The following C12orf42 variants were observed in gnomAD, a reference collection of about 807,000 sequenced individuals.
C12orf42 encodes chromosome 12 open reading frame 42.
A neutral mutation model predicts 21.6 loss-of-function variants in C12orf42; 25 were observed. That is an observed-to-expected ratio of 1.16 (90% CI 0.84 to 1.62). The LOEUF (loss-of-function observed/expected upper bound fraction) is 1.62. Ranked by LOEUF, C12orf42 falls within the 40% of genes most tolerant of loss-of-function variation. The pLI is 0.00. For synonymous variants in C12orf42, 174 were observed against 175.0 expected (o/e 0.99, Z 0.05); for missense variants, 483 against 459.3 (o/e 1.05, Z -0.47).
chr12:103,281,915 A>AAAGAAAGAAAG (rs2036148047), intron 4 of C12orf42, among the ~76,000 whole-genome samples: 1 of 141,828 alleles, frequency 7.1e-6, no homozygotes, highest in Admixed American at 7.3e-5. Flanking sequence ...AGAAGAAAGA[A>AAAGAAAGAAAG]AAAGAAAGAA....
chr12:103,254,753 G>C (rs577597612), intron 10 of C12orf42, among the ~76,000 whole-genome samples: 1 of 152,282 alleles, frequency 6.6e-6, no homozygotes, highest in Admixed American at 6.5e-5. Context: ...ACAAACTGGG[G>C]CCTGCTGGGG....
At chr12:103,214,297 T>C in the C12orf42 span, among the ~76,000 whole-genome samples, 1 of 152,200 alleles carries the variant, frequency 6.6e-6, no homozygotes, top group South Asian at 2.1e-4. Flanking sequence ...TAGTTTCTCC[T>C]TTTCTTTTTG....
intron 1 of C12orf42, 56 bp from the exon 2 acceptor site, chr12:103,478,503 T>A (rs12306102): frequency 0.19 from 154,315 of 802,200 alleles, 17,106 homozygotes; most frequent in East Asian, 0.35. Context: ...AATGATAATA[T>A]TAGAGAAAAA....
At chr12:103,109,228 T>G in the C12orf42 span, among the ~76,000 whole-genome samples, 1 of 152,172 alleles carries the variant, frequency 6.6e-6, no homozygotes, top group Non-Finnish European at 1.5e-5. Context: ...TGGATGATAT[T>G]GGCATACTAG....
At chr12:103,181,810 AC>A in the C12orf42 span, among the ~76,000 whole-genome samples, 1 of 152,250 alleles carries the variant, frequency 6.6e-6, no homozygotes, top group Admixed American at 6.5e-5. Context: ...TCTATAATCT[AC>A]ACCTCTACCC....
intron 4 of C12orf42, among the ~76,000 whole-genome samples, chr12:103,316,055 T>C (rs185755712): frequency 0.01 from 1,517 of 149,422 alleles, 16 homozygotes; most frequent in African/African-American, 0.035. Context: ...TATATATATA[T>C]ACACACACAC....
At chr12:103,374,384 G>A (rs1593680272) in intron 3 of C12orf42, among the ~76,000 whole-genome samples, 1 of 152,120 alleles carries the variant, frequency 6.6e-6, no homozygotes, top group East Asian at 1.9e-4. Flanking sequence ...AGATTTCCAA[G>A]ATTGAGGTTT....
chr12:103,194,009 G>A, the C12orf42 span, among the ~76,000 whole-genome samples: 3 of 152,042 alleles, frequency 2.0e-5, no homozygotes, highest in African/African-American at 4.8e-5. Context: ...TGAAATGCAA[G>A]CATGGCTTAA....
chr12:103,138,673 T>C, the C12orf42 span, among the ~76,000 whole-genome samples: 326 of 152,296 alleles, frequency 2.1e-3, 1 homozygote, highest in African/African-American at 7.6e-3. Flanking sequence ...ATCAATGTCA[T>C]CATTCTTGTT....
chr12:103,341,112 C>CAAAAAAAA (rs34154888), intron 4 of C12orf42, among the ~76,000 whole-genome samples: 3 of 47,678 alleles, frequency 6.3e-5, no homozygotes, highest in African/African-American at 1.6e-4. Context: ...GACTCTGTCT[C>CAAAAAAAA]AAAAAAAAAA....
At chr12:103,097,434 G>A in the C12orf42 span, among the ~76,000 whole-genome samples, 1 of 152,156 alleles carries the variant, frequency 6.6e-6, no homozygotes, top group Non-Finnish European at 1.5e-5. Flanking sequence ...TTCATCCTAG[G>A]CAACAGAAAT....
the C12orf42 span, among the ~76,000 whole-genome samples, chr12:103,071,751 G>A: frequency 2.0e-5 from 3 of 152,156 alleles, no homozygotes; most frequent in Non-Finnish European, 4.4e-5. Flanking sequence ...AAGTGGAACT[G>A]TGAGTCAATT....
chr12:103,328,407 T>A (rs2040904525), intron 4 of C12orf42, among the ~76,000 whole-genome samples: 1 of 152,124 alleles, frequency 6.6e-6, no homozygotes, highest in South Asian at 2.1e-4. Context: ...GAAATATTAG[T>A]TGCTGAGCAG....
the C12orf42 span, among the ~76,000 whole-genome samples, chr12:103,085,407 C>G: frequency 2.6e-5 from 4 of 152,124 alleles, no homozygotes; most frequent in African/African-American, 9.7e-5. Context: ...CAAATATGAG[C>G]TCATTCAAAT....
At chr12:103,556,301 C>T in the C12orf42 span, among the ~76,000 whole-genome samples, 4 of 152,136 alleles carry the variant, frequency 2.6e-5, no homozygotes, top group Non-Finnish European at 4.4e-5. Flanking sequence ...AAAGATGATA[C>T]CTAATATTAT....
chr12:103,517,677 T>C, the C12orf42 span, among the ~76,000 whole-genome samples: 1 of 150,090 alleles, frequency 6.7e-6, no homozygotes, highest in African/African-American at 2.5e-5. Context: ...AGCTATGCTT[T>C]GAATTATTTT....
the C12orf42 span, among the ~76,000 whole-genome samples, chr12:103,055,552 T>C: frequency 1.4e-4 from 22 of 152,134 alleles, no homozygotes; most frequent in African/African-American, 5.1e-4. Context: ...TTTTACCTAA[T>C]TGATTTCTGC....
intron 1 of C12orf42, 187 bp downstream of exon 1, chr12:103,495,715 G>T (rs1955503811): frequency 6.6e-6 from 1 of 152,048 alleles, no homozygotes; most frequent in Admixed American, 6.5e-5. Flanking sequence ...GCCCCGAGAC[G>T]GGTCGACCCG....
chr12:103,346,919 G>A (rs1244000139), intron 4 of C12orf42, among the ~76,000 whole-genome samples: 1 of 152,150 alleles, frequency 6.6e-6, no homozygotes, highest in Non-Finnish European at 1.5e-5. Context: ...TAGTCTTAAG[G>A]AAAGTGGCAA....
Sources: gnomAD v4.1 joint callset for allele counts (sites outside exome capture counted in the v4.1 genomes callset) on GRCh38, gnomAD v4.1.1 for gene constraint, MANE v1.5 for transcripts, NCBI Gene and HGNC (gene_info 2026-07-23, HGNC 2026-07-21) for gene names.